TRMT2B: variants seen among roughly 807,000 people sequenced by gnomAD.
TRMT2B encodes the protein tRNA (uracil-5-)-methyltransferase homolog B.
A neutral mutation model predicts 39.7 loss-of-function variants in TRMT2B; 34 were observed. The ratio of observed to expected loss-of-function variants is 0.86; its 90% confidence interval spans 0.65 to 1.14. The LOEUF (loss-of-function observed/expected upper bound fraction) is 1.14. TRMT2B is among the 50% of genes most tolerant of loss of function. The pLI is 0.00. For missense variants in TRMT2B, 318 were observed against 377.2 expected (o/e 0.84, Z 1.30); for synonymous variants, 132 against 137.3 (o/e 0.96, Z 0.27).
intron 2 of TRMT2B, among the ~76,000 whole-genome samples, chrX:101,044,229 G>A (rs1215629461): frequency 1.0e-5 from 1 of 98,186 alleles, no homozygotes; most frequent in East Asian, 3.3e-4. Context: ...GTGACAGAGC[G>A]AGACTCCGTC....
In TRMT2B at chrX:101,023,347, T is replaced by C. The variant is rs2086890339; in HGVS notation, c.756+123A>G. ...CCTCATCCCTAACCCCTCTCCCCAATTGACACAAATATTCTGTGGATGTAC... is the reference window on the plus strand; with the variant it reads ...CCTCATCCCTAACCCCTCTCCCCAACTGACACAAATATTCTGTGGATGTAC... On this transcript the variant is annotated intron_variant, in intron 8 of 13. Coordinates refer to ENST00000372936, the MANE Select transcript of TRMT2B (RefSeq NM_024917.6). 9.6e-6 allele frequency: 7 copies of C among 729,676 alleles called. 1 individual carries two copies. The allele number at this position is 729,676 out of a possible 1,213,427, so 60.1% of individuals were successfully genotyped here.
chrX:100,978,891 A>G, the TRMT2B span, among the ~76,000 whole-genome samples: 1 of 110,622 alleles, frequency 9.0e-6, no homozygotes, highest in African/African-American at 3.3e-5. Context: ...GGGCTTGCAA[A>G]TAACATCTTA....
intron 2 of TRMT2B, among the ~76,000 whole-genome samples, chrX:101,046,458 T>A (rs73635558): frequency 0.036 from 3,989 of 111,516 alleles, 194 homozygotes; most frequent in African/African-American, 0.12. Flanking sequence ...GGAGTACAGA[T>A]CCTAGTCAGA....
At chrX:101,018,024 A>G (rs1382890952) in intron 13 of TRMT2B, among the ~76,000 whole-genome samples, 1 of 111,747 alleles carries the variant, frequency 8.9e-6, no homozygotes, top group Non-Finnish European at 1.9e-5. Context: ...TGAGCACAGG[A>G]GCTCAAGACC....
chrX:100,974,874 G>A, the TRMT2B span, among the ~76,000 whole-genome samples: 1 of 111,588 alleles, frequency 9.0e-6, no homozygotes, highest in Non-Finnish European at 1.9e-5. Flanking sequence ...GAAGTAGTAT[G>A]ATGACGTGGT....
chrX:101,039,218 T>A (rs1270719571), intron 4 of TRMT2B, among the ~76,000 whole-genome samples: 1 of 109,832 alleles, frequency 9.1e-6, no homozygotes, highest in Non-Finnish European at 1.9e-5. Context: ...TACAGGCGCA[T>A]GCCACCACAC....
the TRMT2B span, among the ~76,000 whole-genome samples, chrX:100,975,523 C>T: frequency 9.0e-6 from 1 of 111,533 alleles, no homozygotes; most frequent in Admixed American, 9.6e-5. Flanking sequence ...GTATCTTTAG[C>T]CTGTGGCCTT....
At chrX:101,032,485 G>A (rs1163578271) in intron 7 of TRMT2B, among the ~76,000 whole-genome samples, 1 of 108,361 alleles carries the variant, frequency 9.2e-6, no homozygotes, top group East Asian at 2.9e-4. Context: ...TATTCAGGAA[G>A]CTGAGGCAGG....
the TRMT2B span, chrX:100,985,680 G>A: frequency 8.3e-7 from 1 of 1,209,761 alleles, no homozygotes; most frequent in Non-Finnish European, 1.1e-6. Context: ...TTCCCAGTAA[G>A]ACAGACCATT....
chrX:101,031,602 G>C (rs2087464483), intron 7 of TRMT2B, among the ~76,000 whole-genome samples: 1 of 110,194 alleles, frequency 9.1e-6, no homozygotes, highest in Non-Finnish European at 1.9e-5. Flanking sequence ...CAGCTACTCG[G>C]GAGGCTGAGG....
chrX:100,991,069 T>C, the TRMT2B span, among the ~76,000 whole-genome samples: 80 of 112,061 alleles, frequency 7.1e-4, no homozygotes, highest in Non-Finnish European at 9.4e-4. Context: ...TTACTACTAC[T>C]ATAGGTTGAG....
At chrX:100,990,696 G>A in the TRMT2B span, 6 of 838,561 alleles carry the variant, frequency 7.2e-6, no homozygotes, top group Admixed American at 1.1e-4. Context: ...CAAAGCTTGT[G>A]GACAATAAGT....
chrX:101,051,141 G>C (rs965981720), intron 2 of TRMT2B, 110 bp downstream of exon 2: 6 of 314,824 alleles, frequency 1.9e-5, no homozygotes, highest in Non-Finnish European at 2.1e-5. Flanking sequence ...CCTGCCTCAG[G>C]AATTGATCAG....
the TRMT2B span, among the ~76,000 whole-genome samples, chrX:100,992,719 T>C: frequency 2.7e-5 from 3 of 112,043 alleles, no homozygotes; most frequent in Non-Finnish European, 5.6e-5. Context: ...GCTTTATATA[T>C]ATAATTACCT....
the TRMT2B span, among the ~76,000 whole-genome samples, chrX:100,991,052 T>C: frequency 9.8e-5 from 11 of 112,029 alleles, no homozygotes; most frequent in Non-Finnish European, 2.1e-4. Flanking sequence ...GTAGTAGTTA[T>C]TTACCATTAC....
chrX:101,005,781 C>G (rs1303877215), downstream of TRMT2B, among the ~76,000 whole-genome samples: 12 of 102,711 alleles, frequency 1.2e-4, no homozygotes, highest in African/African-American at 4.2e-4. Context: ...AGCGGGAGGC[C>G]GAGGCACGAG....
intron 7 of TRMT2B, among the ~76,000 whole-genome samples, chrX:101,028,180 G>C (rs761427450): frequency 1.0e-5 from 1 of 99,543 alleles, no homozygotes; most frequent in African/African-American, 3.7e-5. Flanking sequence ...GTGCAGTGGC[G>C]CGGTTTAGGC....
At chrX:101,031,751 T>C (rs761910641) in intron 7 of TRMT2B, among the ~76,000 whole-genome samples, 2 of 108,779 alleles carry the variant, frequency 1.8e-5, no homozygotes, top group East Asian at 2.8e-4. Flanking sequence ...AAGTTAATGT[T>C]ACATTACTAA....
chrX:100,988,291 G>A, the TRMT2B span: 1 of 1,206,267 alleles, frequency 8.3e-7, no homozygotes, highest in Non-Finnish European at 1.1e-6. Context: ...CAGGTAAATG[G>A]CCCTTTAAAT....
Sources: gnomAD v4.1 joint callset for allele counts (sites outside exome capture counted in the v4.1 genomes callset) on GRCh38, gnomAD v4.1.1 for gene constraint, MANE v1.5 for transcripts, NCBI Gene and HGNC (gene_info 2026-07-23, HGNC 2026-07-21) for gene names.